G3BP2: variants seen among roughly 807,000 people sequenced by gnomAD.
G3BP2 encodes ras GTPase-activating protein-binding protein 2.
A neutral mutation model predicts 56.7 loss-of-function variants in G3BP2; 11 were observed. The ratio of observed to expected loss-of-function variants is 0.19; its 90% CI spans 0.12 to 0.32. The LOEUF (loss-of-function observed/expected upper bound fraction) is 0.32. Ranked by LOEUF, G3BP2 falls within the 10% of genes least tolerant of loss-of-function variation. The probability of loss-of-function intolerance (pLI) is 1.00; values close to 1 mark genes in which losing one functional copy is unlikely to be tolerated. For missense variants in G3BP2, 340 were observed against 610.9 expected, an observed-to-expected ratio of 0.56 and a Z score of 4.67; for synonymous variants, 165 against 191.6, an observed-to-expected ratio of 0.86 and a Z score of 1.15.
At chr4:75,655,612 T>G (rs899486538) in intron 6 of G3BP2, among the ~76,000 whole-genome samples, 156 bp downstream of exon 6, 3 of 152,248 alleles carry the variant, frequency 2.0e-5, no homozygotes, top group Non-Finnish European at 4.4e-5. Flanking sequence ...ATAAAACCAT[T>G]CTTTCCAAAT....
intron 3 of G3BP2, among the ~76,000 whole-genome samples, chr4:75,709,419 CAAAAAA>C (rs34603185): frequency 2.1e-5 from 1 of 47,402 alleles, no homozygotes; most frequent in African/African-American, 8.7e-5. Flanking sequence ...GACTCCGTCT[CAAAAAA>C]AAAAAAAAAA....
intron 1 of G3BP2, chr4:75,724,056 C>T (rs1720296169): frequency 1.3e-5 from 2 of 152,166 alleles, no homozygotes; most frequent in South Asian, 4.1e-4. Context: ...AGAGGTGTAC[C>T]TGGTGTTTAG....
chr4:75,664,576 C>A (rs1184006179), intron 1 of G3BP2, among the ~76,000 whole-genome samples: 2 of 151,230 alleles, frequency 1.3e-5, no homozygotes, highest in East Asian at 3.9e-4. Context: ...GAGGCTCCAT[C>A]TCAATAAATA....
intron 3 of G3BP2, among the ~76,000 whole-genome samples, chr4:75,682,288 G>A (rs376990135): frequency 4.3e-4 from 65 of 152,028 alleles, no homozygotes; most frequent in African/African-American, 1.4e-3. Flanking sequence ...GGTGGCACAC[G>A]CCTGTAGTCC....
At chr4:75,721,868 A>G (rs1048342379) in intron 2 of G3BP2, among the ~76,000 whole-genome samples, 4 of 152,140 alleles carry the variant, frequency 2.6e-5, no homozygotes, top group African/African-American at 9.7e-5. Context: ...GATCACTCTT[A>G]ATTTTGATTA....
chr4:75,669,842 T>C (rs926644954), intron 1 of G3BP2, among the ~76,000 whole-genome samples: 6 of 152,118 alleles, frequency 3.9e-5, no homozygotes, highest in African/African-American at 1.4e-4. Flanking sequence ...CCTGTAATTC[T>C]AGCACTTCGG....
chr4:75,655,691 A>G, intron 6 of G3BP2, 77 bp downstream of exon 6: 1 of 770,968 alleles, frequency 1.3e-6, no homozygotes, highest in Non-Finnish European at 2.3e-6. Flanking sequence ...ATTTACTTTC[A>G]ACAATAATTC....
At chr4:75,710,833 AT>A (rs899188850) in intron 3 of G3BP2, among the ~76,000 whole-genome samples, 34 of 147,370 alleles carry the variant, frequency 2.3e-4, no homozygotes, top group East Asian at 2.0e-4. Flanking sequence ...GGCCTGGATA[AT>A]TTTTTTTTTT....
chr4:75,711,388 T>C (rs1342469949), intron 3 of G3BP2, among the ~76,000 whole-genome samples: 1 of 151,006 alleles, frequency 6.6e-6, no homozygotes, highest in Non-Finnish European at 1.5e-5. Flanking sequence ...TCTCATCACC[T>C]ACCATATAGT....
intron 3 of G3BP2, among the ~76,000 whole-genome samples, chr4:75,682,995 A>G (rs1353332567): frequency 2.0e-5 from 3 of 151,782 alleles, no homozygotes; most frequent in African/African-American, 7.3e-5. Flanking sequence ...AAAAAAAAAA[A>G]AGAAAGAAAG....
chr4:75,715,851 A>C (rs1225843864), intron 3 of G3BP2, among the ~76,000 whole-genome samples: 1 of 152,232 alleles, frequency 6.6e-6, no homozygotes, highest in Non-Finnish European at 1.5e-5. Flanking sequence ...TTAAAAAACA[A>C]AGATCCTGGT....
chr4:75,706,018 C>T (rs1411468561), intron 3 of G3BP2, among the ~76,000 whole-genome samples: 1 of 152,074 alleles, frequency 6.6e-6, no homozygotes, highest in Non-Finnish European at 1.5e-5. Context: ...TATGTCTCCA[C>T]TCATTTAATC....
intron 1 of G3BP2, among the ~76,000 whole-genome samples, chr4:75,669,971 G>C (rs1205329948): frequency 1.3e-5 from 2 of 152,206 alleles, no homozygotes; most frequent in African/African-American, 4.8e-5. Flanking sequence ...GCGGGCGCCT[G>C]TAATCCCAGC....
intron 3 of G3BP2, among the ~76,000 whole-genome samples, chr4:75,694,606 A>G (rs942992053): frequency 6.6e-6 from 1 of 152,240 alleles, no homozygotes; most frequent in African/African-American, 2.4e-5. Flanking sequence ...TCCGTCTCAA[A>G]AAAGGAGTCC....
chr4:75,689,391 G>A (rs1054216230), intron 3 of G3BP2, among the ~76,000 whole-genome samples: 56 of 150,856 alleles, frequency 3.7e-4, no homozygotes, highest in African/African-American at 1.3e-3. Flanking sequence ...AAAAAAAAAA[G>A]TAGTTCCCAA....
intron 10 of G3BP2, 77 bp from the exon 11 acceptor site, chr4:75,646,533 A>C: frequency 2.3e-6 from 2 of 872,116 alleles, no homozygotes; most frequent in South Asian, 2.8e-5. Flanking sequence ...TTCAGGATGA[A>C]TATCGTTATC....
rs1284717672 is a variant in G3BP2, at chr4:75,644,794, T to C, written c.*636A>G. Reference sequence around the variant, plus strand: ...ATGATTTCCTTCTGGAATATACTTGTAGTCTTGTTAAGGTTTATGTGTACA... The same window carrying C: ...ATGATTTCCTTCTGGAATATACTTGCAGTCTTGTTAAGGTTTATGTGTACA... On this transcript the variant is annotated 3_prime_UTR_variant, in exon 12 of 12. Coordinates refer to ENST00000359707, the MANE Select transcript of G3BP2 (RefSeq NM_203505.3). The C allele has an allele frequency of 1.3e-5, 2 of 152,702 alleles. No individual in the cohort carries two copies. The highest frequency in any genetic ancestry group is 2.9e-5 in the Non-Finnish European group (2 of 68,058). 9.5% of individuals were successfully genotyped at this position (152,702 alleles called of 1,614,324 possible).
chr4:75,669,348 G>T (rs1472294764), intron 1 of G3BP2, among the ~76,000 whole-genome samples: 1 of 152,142 alleles, frequency 6.6e-6, no homozygotes, highest in African/African-American at 2.4e-5. Context: ...AAGCTCAGTC[G>T]TGACTTTCTC....
intron 2 of G3BP2, chr4:75,661,369 T>G (rs1732539545): frequency 6.6e-6 from 1 of 152,116 alleles, no homozygotes; most frequent in African/African-American, 2.4e-5. Flanking sequence ...CCTCAAGTGA[T>G]CCACCTGCCT....
Sources: allele counts gnomAD v4.1 joint callset (sites outside exome capture counted in the v4.1 genomes callset), GRCh38; gene constraint gnomAD v4.1.1; transcripts MANE v1.5; gene names NCBI Gene and HGNC (gene_info 2026-07-23, HGNC 2026-07-21).